PHLDB2: variants seen among roughly 807,000 people sequenced by gnomAD.
PHLDB2 encodes the protein pleckstrin homology like domain family B member 2, also known as pleckstrin homology-like domain family B member 2.
A neutral mutation model predicts 123.6 loss-of-function variants in PHLDB2; 71 were observed. That is an observed-to-expected ratio of 0.57 (90% CI 0.47 to 0.70). The LOEUF (loss-of-function observed/expected upper bound fraction) is 0.70. Among genes scored for constraint, PHLDB2 ranks in the 30% least tolerant of loss-of-function variants. The pLI is 0.00. For synonymous variants in PHLDB2, 547 were observed against 541.6 expected, an observed-to-expected ratio of 1.01 and a Z score of -0.14; for missense variants, 1,446 against 1,519.5, an observed-to-expected ratio of 0.95 and a Z score of 0.80.
At chr3:111,965,643 T>C (rs1345059821) in intron 13 of PHLDB2, among the ~76,000 whole-genome samples, 7 of 152,206 alleles carry the variant, frequency 4.6e-5, no homozygotes. Flanking sequence ...TCTGTCTGTA[T>C]GTCCTCAAGA....
intron 5 of PHLDB2, among the ~76,000 whole-genome samples, chr3:111,922,463 T>C (rs1251424932): frequency 2.6e-5 from 4 of 152,322 alleles, no homozygotes; most frequent in Middle Eastern, 3.4e-3. Context: ...ACAGAGGCTA[T>C]GCACTGGAGA....
chr3:111,760,669 T>C lies in PHLDB2; in HGVS notation c.-49+27966T>C, dbSNP rs1370460796. ...GTGTTCTGTTTTCTTGCTTCTGCGA[T>C]GTGTATACAGTTTTTTGTTTGTTTT... On this transcript the variant is annotated intron_variant, in intron 1 of 17. Coordinates refer to the PHLDB2 transcript ENST00000393923. Among the ~76,000 whole-genome samples, 5 of 152,148 alleles carry C rather than the reference T, an allele frequency of 3.3e-5. No homozygotes were observed. The East Asian group carries it at 7.7e-4, about 23-fold the overall frequency.
chr3:111,773,074 G>T (rs1559823394), intron 1 of PHLDB2, among the ~76,000 whole-genome samples: 2 of 152,176 alleles, frequency 1.3e-5, no homozygotes, highest in East Asian at 3.8e-4. Flanking sequence ...GAAGTTTTAT[G>T]CTCTAAGGAT....
chr3:111,895,676 C>T (rs1392350791), intron 2 of PHLDB2, among the ~76,000 whole-genome samples: 1 of 151,956 alleles, frequency 6.6e-6, no homozygotes, highest in African/African-American at 2.4e-5. Context: ...GGTGAAACCT[C>T]GTCTCTACTA....
chr3:111,734,395 A>G (rs1386074313), intron 1 of PHLDB2, among the ~76,000 whole-genome samples: 2 of 152,160 alleles, frequency 1.3e-5, no homozygotes, highest in Non-Finnish European at 2.9e-5. Flanking sequence ...CTGAGCAACA[A>G]AGTGAGCCTC....
At chr3:111,953,143 A>G (rs1321879266) in intron 11 of PHLDB2, among the ~76,000 whole-genome samples, 1 of 152,176 alleles carries the variant, frequency 6.6e-6, no homozygotes, top group Non-Finnish European at 1.5e-5. Context: ...GTAGTAGACT[A>G]CTGATTATTA....
At chr3:111,865,421 TA>T (rs945287838) in intron 1 of PHLDB2, among the ~76,000 whole-genome samples, 1 of 152,186 alleles carries the variant, frequency 6.6e-6, no homozygotes. Flanking sequence ...GCTGCCACCT[TA>T]TCACTAAAAC....
At chr3:111,936,877 ATTAT>A in intron 6 of PHLDB2, among the ~76,000 whole-genome samples, 1 of 152,212 alleles carries the variant, frequency 6.6e-6, no homozygotes, top group Non-Finnish European at 1.5e-5. Flanking sequence ...GTATGTGCTT[ATTAT>A]GTCAGCCAGT....
At chr3:111,925,029 A>G (rs1249912640) in intron 5 of PHLDB2, among the ~76,000 whole-genome samples, 1 of 151,600 alleles carries the variant, frequency 6.6e-6, no homozygotes, top group African/African-American at 2.4e-5. Context: ...GAGTTTCGTC[A>G]TGTTGTCCAG....
At chr3:111,937,951 A>AT (rs2069606039) in intron 6 of PHLDB2, among the ~76,000 whole-genome samples, 1 of 152,190 alleles carries the variant, frequency 6.6e-6, no homozygotes, top group Non-Finnish European at 1.5e-5. Context: ...GCATAAATAT[A>AT]TTCCTGTCTT....
intron 1 of PHLDB2, among the ~76,000 whole-genome samples, chr3:111,786,311 T>C (rs960271647): frequency 6.6e-6 from 1 of 152,160 alleles, no homozygotes; most frequent in Non-Finnish European, 1.5e-5. Context: ...GCAGTTTTTT[T>C]CCCCAAATAT....
At chr3:111,963,565 T>A (rs951527277) in intron 13 of PHLDB2, among the ~76,000 whole-genome samples, 1 of 152,210 alleles carries the variant, frequency 6.6e-6, no homozygotes, top group African/African-American at 2.4e-5. Context: ...AAAAACATTG[T>A]CTGACTCATG....
chr3:111,959,013 T>C (rs1355260362), intron 12 of PHLDB2, among the ~76,000 whole-genome samples: 2 of 152,266 alleles, frequency 1.3e-5, no homozygotes, highest in African/African-American at 2.4e-5. Context: ...CCTTTCCTGA[T>C]AAAGCTTCAA....
chr3:111,753,895 A>G (rs952285015), intron 1 of PHLDB2, among the ~76,000 whole-genome samples: 11 of 152,338 alleles, frequency 7.2e-5, no homozygotes, highest in Admixed American at 7.2e-4. Flanking sequence ...AGCACCATTT[A>G]TTAAATAGGG....
intron 1 of PHLDB2, among the ~76,000 whole-genome samples, chr3:111,815,205 G>A (rs1326863623): frequency 3.3e-5 from 5 of 152,102 alleles, no homozygotes; most frequent in African/African-American, 4.8e-5. Flanking sequence ...CCAGTCTCAG[G>A]TATGTCTTTG....
chr3:111,911,649 T>C, intron 2 of PHLDB2: 2 of 1,536,154 alleles, frequency 1.3e-6, no homozygotes, highest in Non-Finnish European at 1.7e-6. Context: ...TGTGTAGCTA[T>C]GAGTGCCTGC....
At chr3:111,841,610 T>G (rs2108554251) in intron 1 of PHLDB2, among the ~76,000 whole-genome samples, 1 of 152,312 alleles carries the variant, frequency 6.6e-6, no homozygotes, top group South Asian at 2.1e-4. Flanking sequence ...TTTCTCTGGG[T>G]TGGGCTCTCA....
At chr3:111,917,576 T>C (rs1332251702) in intron 3 of PHLDB2, 2 of 152,208 alleles carry the variant, frequency 1.3e-5, no homozygotes, top group Non-Finnish European at 2.9e-5. Context: ...CAATGAGCTT[T>C]ATTGTCTGTG....
At chr3:111,742,140 T>A (rs747377363) in intron 1 of PHLDB2, among the ~76,000 whole-genome samples, 4 of 152,160 alleles carry the variant, frequency 2.6e-5, no homozygotes, top group Non-Finnish European at 4.4e-5. Context: ...CCTAAAGGGA[T>A]TGGTTGAGGG....
Sources: gnomAD v4.1 joint callset for allele counts (sites outside exome capture counted in the v4.1 genomes callset) on GRCh38, gnomAD v4.1.1 for gene constraint, MANE v1.5 for transcripts, NCBI Gene and HGNC (gene_info 2026-07-23, HGNC 2026-07-21) for gene names.